The following SAMMSON variants were observed in gnomAD, a reference collection of about 807,000 sequenced individuals.
The protein encoded by SAMMSON is long intergenic non-protein coding RNA 1212.
intron 2 of SAMMSON, among the ~76,000 whole-genome samples, chr3:70,415,638 C>A (rs777608695): frequency 6.6e-6 from 1 of 152,144 alleles, no homozygotes; most frequent in Non-Finnish European, 1.5e-5. Flanking sequence ...TATGTTCTAA[C>A]AATTGTCAGG....
chr3:70,126,296 G>T, intron 4 of SAMMSON: 3 of 1,169,362 alleles, frequency 2.6e-6, no homozygotes, highest in Non-Finnish European at 3.7e-6. Flanking sequence ...GACATGGGGA[G>T]TGAACTTGAT....
intron 4 of SAMMSON, among the ~76,000 whole-genome samples, chr3:70,119,056 C>T (rs1221409379): frequency 6.6e-6 from 1 of 152,006 alleles, no homozygotes; most frequent in Non-Finnish European, 1.5e-5. Context: ...AAGAAAACTA[C>T]TCTTATTTAT....
intron 4 of SAMMSON, among the ~76,000 whole-genome samples, chr3:70,184,553 G>A (rs1464518371): frequency 1.3e-5 from 2 of 152,182 alleles, no homozygotes; most frequent in South Asian, 2.1e-4. Flanking sequence ...TAGTTAACAC[G>A]TATCTTTAGT....
At chr3:70,050,052 C>T (rs556793682) in intron 3 of SAMMSON, among the ~76,000 whole-genome samples, 50 of 152,062 alleles carry the variant, frequency 3.3e-4, no homozygotes, top group Non-Finnish European at 7.1e-4. Flanking sequence ...AATAAATTCA[C>T]AATTGGAAGG....
At position 70,064,952 on chromosome 3, in the gene SAMMSON, T is replaced by G. The variant is rs2067203850; in HGVS notation, n.418-6524T>G. The stretch of plus-strand genomic sequence containing the variant: ...ACGTAAAATGCAGACTGACATAATC[T>G]TCTCATTATTATTATCTTTAATGCA... On this transcript the variant is annotated intron_variant and non_coding_transcript_variant, in intron 3 of 9. Coordinates refer to ENST00000642114, the Ensembl canonical transcript of SAMMSON. Among the ~76,000 whole-genome samples the G allele has an allele frequency of 2.0e-5, 3 of 152,096 alleles. No homozygotes were observed. The South Asian group carries it at 6.2e-4, about 32-fold the overall frequency.
chr3:70,422,226 A>G (rs921875043), intron 2 of SAMMSON, among the ~76,000 whole-genome samples: 1 of 152,070 alleles, frequency 6.6e-6, no homozygotes, highest in African/African-American at 2.4e-5. Flanking sequence ...TGTTATTCTT[A>G]GGTGATTTTC....
At chr3:70,355,196 G>A (rs906418840) in intron 8 of SAMMSON, among the ~76,000 whole-genome samples, 3 of 152,110 alleles carry the variant, frequency 2.0e-5, no homozygotes, top group African/African-American at 7.2e-5. Flanking sequence ...TGGAGATCTG[G>A]TTGAGAATAC....
At chr3:70,230,854 A>G (rs967924152) in intron 4 of SAMMSON, among the ~76,000 whole-genome samples, 50 of 152,214 alleles carry the variant, frequency 3.3e-4, no homozygotes, top group Middle Eastern at 3.4e-3. Flanking sequence ...CTGTGTTACT[A>G]TCTTCCTCCC....
At chr3:70,197,305 G>A (rs114036870) in intron 4 of SAMMSON, 14,887 of 396,970 alleles carry the variant, frequency 0.038, 351 homozygotes, top group Middle Eastern at 0.067. Context: ...ATCCACATTA[G>A]GGGTAATGTA....
At chr3:70,134,259 C>CAA (rs71126480) in intron 4 of SAMMSON, among the ~76,000 whole-genome samples, 307 of 132,108 alleles carry the variant, frequency 2.3e-3, no homozygotes, top group African/African-American at 7.4e-3. Context: ...GATTCCATCT[C>CAA]AAAAAAAAAA....
rs568984417 is a variant in SAMMSON, at chr3:70,030,282, G to A, written n.417+16610G>A. 4 of 152,256 alleles carry A rather than the reference G, an allele frequency of 2.6e-5. No homozygotes were observed. The South Asian group carries it at 8.3e-4, about 32-fold the overall frequency. The allele number at this position is 152,256 out of a possible 1,614,324, so 9.4% of individuals were successfully genotyped here. On this transcript the variant is annotated intron_variant and non_coding_transcript_variant, in intron 3 of 9. Transcript: ENST00000642114. ...TTTTTTGTTGCTTAAGTGATTGAGA[G>A]ACTGGGAACTAGCGTCTAACTTTAC...
At chr3:70,170,579 C>CTTTTTTTTTTTTTTTTTTTTTTTT (rs538385626) in intron 4 of SAMMSON, among the ~76,000 whole-genome samples, 4 of 105,496 alleles carry the variant, frequency 3.8e-5, no homozygotes, top group Non-Finnish European at 5.6e-5. Flanking sequence ...CTAGATTTTC[C>CTTTTTTTTTTTTTTTTTTTTTTTT]TTTTTTTTTT....
chr3:70,171,753 C>T lies in SAMMSON; in HGVS notation n.508-77354C>T, dbSNP rs1340796266. On this transcript the variant is annotated intron_variant and non_coding_transcript_variant, in intron 4 of 9. Transcript: ENST00000642114. ...TCTCGTGTCCTTTAAACCTTCTCTA[C>T]TCTTTTCAAAGTGCATACTCATTAT... 6.6e-5 allele frequency among the ~76,000 whole-genome samples: 10 copies of T among 152,000 alleles called. 2 individuals are homozygous for T. The South Asian group carries it at 1.5e-3, about 22-fold the overall frequency.
chr3:70,101,627 G>A (rs1354397783), intron 4 of SAMMSON, among the ~76,000 whole-genome samples: 1 of 152,038 alleles, frequency 6.6e-6, no homozygotes, highest in Non-Finnish European at 1.5e-5. Flanking sequence ...GACAATAAGC[G>A]TTATTTACAC....
intron 4 of SAMMSON, among the ~76,000 whole-genome samples, chr3:70,099,580 T>C (rs1175225395): frequency 3.3e-5 from 5 of 152,248 alleles, no homozygotes; most frequent in Non-Finnish European, 7.3e-5. Context: ...TTGTTCTTTA[T>C]ATATTCTGGA....
At chr3:70,334,953 C>T (rs1448510978) in intron 7 of SAMMSON, among the ~76,000 whole-genome samples, 1 of 151,314 alleles carries the variant, frequency 6.6e-6, no homozygotes, top group African/African-American at 2.4e-5. Context: ...TTCTGGATAC[C>T]TGAATTTATT....
At chr3:70,279,851 C>T (rs1702063963) in intron 6 of SAMMSON, among the ~76,000 whole-genome samples, 1 of 152,136 alleles carries the variant, frequency 6.6e-6, no homozygotes. Context: ...ACTACACCTG[C>T]CAAACCACCT....
intron 6 of SAMMSON, among the ~76,000 whole-genome samples, chr3:70,254,760 C>A (rs1028199137): frequency 6.6e-6 from 1 of 152,144 alleles, no homozygotes; most frequent in Non-Finnish European, 1.5e-5. Flanking sequence ...TATTCTATCA[C>A]CTCTCCATAG....
At chr3:70,113,728 C>T (rs909251248) in intron 4 of SAMMSON, among the ~76,000 whole-genome samples, 2 of 152,162 alleles carry the variant, frequency 1.3e-5, no homozygotes, top group African/African-American at 4.8e-5. Flanking sequence ...TGTAGTGAGG[C>T]CTTACCCTCA....
Sources: allele counts gnomAD v4.1 joint callset (sites outside exome capture counted in the v4.1 genomes callset), GRCh38; gene constraint gnomAD v4.1.1; transcripts MANE v1.5; gene names NCBI Gene and HGNC (gene_info 2026-07-23, HGNC 2026-07-21).